The following RAPGEF4 variants were observed in gnomAD, a reference collection of about 807,000 sequenced individuals.
RAPGEF4 encodes the protein Rap guanine nucleotide exchange factor 4, also known as RAP guanine-nucleotide-exchange factor (GEF) 4.
In RAPGEF4, 66 loss-of-function variants were observed where a neutral mutation model predicts 147.9. That is an observed-to-expected ratio of 0.45 (90% CI 0.37 to 0.55). The LOEUF (loss-of-function observed/expected upper bound fraction) is 0.55. Ranked by LOEUF, RAPGEF4 falls within the 20% of genes least tolerant of loss-of-function variation. The probability of loss-of-function intolerance (pLI) is 0.00; values close to 1 mark genes in which losing one functional copy is unlikely to be tolerated. For synonymous variants in RAPGEF4, 419 were observed against 442.7 expected (o/e 0.95, Z 0.67); for missense variants, 1,071 against 1,257.3 (o/e 0.85, Z 2.24).
intron 4 of RAPGEF4, among the ~76,000 whole-genome samples, chr2:172,906,578 T>C (rs1699654885): frequency 6.6e-6 from 1 of 152,124 alleles, no homozygotes; most frequent in Admixed American, 6.6e-5. Flanking sequence ...GGGACAGTTG[T>C]GGGAAGGGGT....
chr2:172,809,755 A>G (rs1363230801), intron 3 of RAPGEF4, among the ~76,000 whole-genome samples: 1 of 152,138 alleles, frequency 6.6e-6, no homozygotes, highest in African/African-American at 2.4e-5. Flanking sequence ...CTGGTCTTAA[A>G]TTCCTGGCTT....
At chr2:172,983,471 CCT>C in intron 10 of RAPGEF4, 23 bp from the exon 11 acceptor site, 2 of 1,566,556 alleles carry the variant, frequency 1.3e-6, no homozygotes, top group South Asian at 1.2e-5. Flanking sequence ...TTTCCATATT[CCT>C]TTTTTTTTTT....
At chr2:172,765,795 GC>G (rs1696780028) in intron 1 of RAPGEF4, among the ~76,000 whole-genome samples, 1 of 152,256 alleles carries the variant, frequency 6.6e-6, no homozygotes, top group South Asian at 2.1e-4. Flanking sequence ...CGGTCTGGCT[GC>G]CACTGTTGGG....
At chr2:172,958,926 T>G (rs1240709043) in intron 6 of RAPGEF4, among the ~76,000 whole-genome samples, 1 of 152,216 alleles carries the variant, frequency 6.6e-6, no homozygotes, top group Non-Finnish European at 1.5e-5. Context: ...AAGGTATATA[T>G]TTATGCATGT....
At chr2:172,756,884 G>A (rs1371205808) in intron 1 of RAPGEF4, among the ~76,000 whole-genome samples, 7 of 152,210 alleles carry the variant, frequency 4.6e-5, no homozygotes, top group Admixed American at 2.0e-4. Context: ...TTATATATCT[G>A]CCTGATGACT....
At chr2:173,028,267 C>T (rs2105961299) in intron 25 of RAPGEF4, among the ~76,000 whole-genome samples, 1 of 152,324 alleles carries the variant, frequency 6.6e-6, no homozygotes, top group African/African-American at 2.4e-5. Flanking sequence ...CTGTGAATTT[C>T]TGGTTCAGAG....
At chr2:172,783,438 A>G (rs753204841) in intron 1 of RAPGEF4, among the ~76,000 whole-genome samples, 2 of 152,148 alleles carry the variant, frequency 1.3e-5, no homozygotes, top group African/African-American at 2.4e-5. Flanking sequence ...AGGAATTCAC[A>G]GACTCCACGT....
rs1684869755 is a variant in RAPGEF4, at chr2:173,042,379, A to G, written c.2853+5687A>G. 6.6e-6 allele frequency among the ~76,000 whole-genome samples: 1 copy of G among 152,232 alleles called. No homozygotes were observed. On this transcript the variant is annotated intron_variant, in intron 29 of 30. Coordinates refer to ENST00000397081, the MANE Select transcript of RAPGEF4 (RefSeq NM_007023.4). This position sits in a 1 kb window ranked among gnomAD's most constrained non-coding sequence, Gnocchi z 4.2. ...CTGGGCACAGTGGCTCACGCCTGTAATCCCAGCACTTTGGGAGACTGAGGC... is the reference window on the plus strand; with the variant it reads ...CTGGGCACAGTGGCTCACGCCTGTAGTCCCAGCACTTTGGGAGACTGAGGC...
intron 29 of RAPGEF4, among the ~76,000 whole-genome samples, chr2:173,047,207 A>C (rs901620596): frequency 6.6e-6 from 1 of 152,224 alleles, no homozygotes; most frequent in African/African-American, 2.4e-5. Flanking sequence ...ATTCTGGCTA[A>C]GAAATGGAGC....
chr2:172,988,557 T>TAATC, intron 13 of RAPGEF4, 136 bp from the exon 14 acceptor site: 1 of 1,130,176 alleles, frequency 8.8e-7, no homozygotes, highest in Admixed American at 2.3e-5. Context: ...TGTAATTATG[T>TAATC]AATCCCCTTT....
chr2:172,919,818 C>T (rs1371019625), intron 5 of RAPGEF4, among the ~76,000 whole-genome samples: 2 of 152,104 alleles, frequency 1.3e-5, no homozygotes, highest in African/African-American at 2.4e-5. Flanking sequence ...TCTGACAATT[C>T]CATTGTTCTC....
chr2:172,964,914 T>G (rs1426239749), intron 8 of RAPGEF4, among the ~76,000 whole-genome samples: 2 of 152,190 alleles, frequency 1.3e-5, no homozygotes, highest in Non-Finnish European at 2.9e-5. Flanking sequence ...GGGACTAATG[T>G]GTGAATATAC....
intron 4 of RAPGEF4, among the ~76,000 whole-genome samples, chr2:172,903,696 C>G (rs1699324793): frequency 9.3e-6 from 1 of 107,214 alleles, no homozygotes; most frequent in Non-Finnish European, 1.9e-5. Flanking sequence ...GCTAAGAGAC[C>G]CTATGGATAC....
intron 1 of RAPGEF4, among the ~76,000 whole-genome samples, chr2:172,787,119 G>A (rs1685289037): frequency 1.3e-5 from 2 of 152,138 alleles, no homozygotes; most frequent in African/African-American, 4.8e-5. Flanking sequence ...GGCTGAGGCA[G>A]GAGAATTGCT....
chr2:172,975,776 A>G (rs966548932), intron 10 of RAPGEF4, among the ~76,000 whole-genome samples: 2 of 152,338 alleles, frequency 1.3e-5, no homozygotes, highest in East Asian at 1.9e-4. Flanking sequence ...CCTCAAAGGC[A>G]AGCAGTTATA....
intron 4 of RAPGEF4, among the ~76,000 whole-genome samples, chr2:172,892,597 A>C (rs1698051091): frequency 6.6e-6 from 1 of 152,252 alleles, no homozygotes; most frequent in Non-Finnish European, 1.5e-5. Context: ...AGGGGATTGC[A>C]GTCTGCAGAT....
chr2:173,052,840 A>G lies in RAPGEF4; in HGVS notation c.*1073A>G, dbSNP rs1175842669. On this transcript the variant is annotated 3_prime_UTR_variant, in exon 31 of 31. Transcript: ENST00000397081. ...ATGTGTAGGAATTGTATGTATGTAT[A>G]TCTTCTGTAAATAACATCTAGTATC... 1 of 152,344 alleles carries G rather than the reference A, an allele frequency of 6.6e-6. No individual in the cohort carries two copies. Among genetic ancestry groups the G allele is most frequent in the Non-Finnish European group, 1.5e-5 (1 of 68,028 alleles). 9.4% of individuals were successfully genotyped at this position (152,344 alleles called of 1,614,324 possible). A position where few individuals can be genotyped will look rare whatever the true frequency, so the allele number is the denominator to read the frequency against.
In RAPGEF4 at chr2:172,822,773, C is replaced by T. The variant is rs186784025; in HGVS notation, c.444+8348C>T. Among the ~76,000 whole-genome samples the T allele has an allele frequency of 6.6e-4, 100 of 152,290 alleles. 1 individual carries two copies. Among genetic ancestry groups the T allele is most frequent in the African/African-American group, 2.3e-3 (94 of 41,564 alleles). On this transcript the variant is annotated intron_variant, in intron 4 of 30. Transcript: ENST00000397081. ...TGCACTAGCCAGGACTCTGTTGACACCTCACCCCCACTCTCTCCCCTGCAC... is the reference window on the plus strand; with the variant it reads ...TGCACTAGCCAGGACTCTGTTGACATCTCACCCCCACTCTCTCCCCTGCAC...
At chr2:172,797,161 A>C (rs1241107736) in intron 2 of RAPGEF4, among the ~76,000 whole-genome samples, 1 of 152,226 alleles carries the variant, frequency 6.6e-6, no homozygotes, top group Non-Finnish European at 1.5e-5. Flanking sequence ...GTCACCTTAA[A>C]AGGAGAGGTG....
Sources: gnomAD v4.1 joint callset for allele counts (sites outside exome capture counted in the v4.1 genomes callset) on GRCh38, gnomAD v4.1.1 for gene constraint, Gnocchi (gnomAD v3.1) non-coding constraint, MANE v1.5 for transcripts, NCBI Gene and HGNC (gene_info 2026-07-23, HGNC 2026-07-21) for gene names.